The following NRG3 variants were observed in gnomAD, a reference collection of about 807,000 sequenced individuals.
NRG3 encodes neuregulin 3.
NRG3 carries 31 observed loss-of-function variants against 66.9 expected under a neutral mutation model. The ratio of observed to expected loss-of-function variants is 0.46; its 90% CI spans 0.35 to 0.63. NRG3 has a LOEUF of 0.63. NRG3 is among the 20% of genes least tolerant of loss of function. The pLI, the probability that NRG3 is intolerant of heterozygous loss-of-function variation, is 0.00. For synonymous variants in NRG3, 393 were observed against 359.4 expected (o/e 1.09, Z -1.06); for missense variants, 910 against 878.9 (o/e 1.04, Z -0.45).
chr10:82,950,219 A>G (rs1849395234), intron 4 of NRG3, among the ~76,000 whole-genome samples: 1 of 152,214 alleles, frequency 6.6e-6, no homozygotes. Flanking sequence ...GAGAGAATGT[A>G]TATAGATGCA....
chr10:82,344,021 A>G (rs1277344614), intron 1 of NRG3, among the ~76,000 whole-genome samples: 1 of 152,134 alleles, frequency 6.6e-6, no homozygotes, highest in Non-Finnish European at 1.5e-5. Context: ...TTTAATAAAG[A>G]AACACATAAA....
At chr10:82,797,842 T>C (rs1218769673) in intron 3 of NRG3, among the ~76,000 whole-genome samples, 2 of 152,178 alleles carry the variant, frequency 1.3e-5, no homozygotes, top group African/African-American at 4.8e-5. Flanking sequence ...AAGTTGCATA[T>C]TTGACCTGGC....
chr10:82,443,456 TA>T (rs1296448640), intron 2 of NRG3, among the ~76,000 whole-genome samples: 1 of 152,246 alleles, frequency 6.6e-6, no homozygotes, highest in Non-Finnish European at 1.5e-5. Context: ...TTAACTTTTT[TA>T]AGAACACACA....
chr10:82,083,788 T>C (rs974995706), intron 1 of NRG3, among the ~76,000 whole-genome samples: 7 of 151,544 alleles, frequency 4.6e-5, no homozygotes, highest in African/African-American at 1.7e-4. Flanking sequence ...TTTTGTTTTT[T>C]GCATTTTTAA....
At chr10:82,553,110 T>C (rs912689844) in intron 2 of NRG3, among the ~76,000 whole-genome samples, 4 of 152,016 alleles carry the variant, frequency 2.6e-5, no homozygotes, top group African/African-American at 9.7e-5. Context: ...ATAGCAGTGC[T>C]TCATGAATGT....
At chr10:82,862,232 T>C (rs2064167140) in intron 3 of NRG3, among the ~76,000 whole-genome samples, 1 of 152,186 alleles carries the variant, frequency 6.6e-6, no homozygotes, top group African/African-American at 2.4e-5. Context: ...CAGTATGGGC[T>C]TGGGGAAGAG....
intron 1 of NRG3, among the ~76,000 whole-genome samples, chr10:81,901,871 G>T (rs923359910): frequency 6.6e-6 from 1 of 152,224 alleles, no homozygotes; most frequent in East Asian, 1.9e-4. Context: ...TTTATAGAAA[G>T]AACACAAAGG....
chr10:82,011,077 G>A (rs994624233), intron 1 of NRG3, among the ~76,000 whole-genome samples: 1 of 152,134 alleles, frequency 6.6e-6, no homozygotes, highest in African/African-American at 2.4e-5. Flanking sequence ...ATATTGTACT[G>A]CATTGGTCTG....
intron 1 of NRG3, among the ~76,000 whole-genome samples, chr10:82,050,325 T>A (rs903766288): frequency 4.5e-4 from 69 of 151,784 alleles, no homozygotes; most frequent in African/African-American, 1.7e-3. Flanking sequence ...AACCTGCAAT[T>A]ACTTTTGCAC....
intron 1 of NRG3, among the ~76,000 whole-genome samples, chr10:82,132,177 T>C (rs913944217): frequency 3.9e-5 from 6 of 152,084 alleles, no homozygotes; most frequent in Admixed American, 3.9e-4. Flanking sequence ...GGGTCTGTCA[T>C]ATATGACTTT....
chr10:82,052,844 GA>G (rs1160840651), intron 1 of NRG3, among the ~76,000 whole-genome samples: 1 of 151,862 alleles, frequency 6.6e-6, no homozygotes, highest in East Asian at 1.9e-4. Flanking sequence ...TGGACATAAG[GA>G]AAAAAAGTTT....
intron 1 of NRG3, among the ~76,000 whole-genome samples, chr10:81,908,071 T>C (rs1844763062): frequency 6.6e-6 from 1 of 152,212 alleles, no homozygotes; most frequent in Non-Finnish European, 1.5e-5. Context: ...ATCTGCGCTC[T>C]CATAATTCCA....
intron 3 of NRG3, among the ~76,000 whole-genome samples, chr10:82,860,996 C>A (rs1357288662): frequency 6.6e-6 from 1 of 152,146 alleles, no homozygotes; most frequent in Non-Finnish European, 1.5e-5. Context: ...GTGTATGACT[C>A]AAATGACAAA....
At chr10:82,409,390 G>A (rs1218982614) in intron 2 of NRG3, among the ~76,000 whole-genome samples, 1 of 152,122 alleles carries the variant, frequency 6.6e-6, no homozygotes, top group Admixed American at 6.6e-5. Flanking sequence ...TAATAAATTA[G>A]CACTCCATTA....
At chr10:82,442,407 C>G (rs2090477845) in intron 2 of NRG3, among the ~76,000 whole-genome samples, 1 of 152,124 alleles carries the variant, frequency 6.6e-6, no homozygotes, top group Non-Finnish European at 1.5e-5. Context: ...GACGCATTCA[C>G]AGAGAAATGG....
At chr10:82,180,625 C>G (rs1591541) in intron 1 of NRG3, among the ~76,000 whole-genome samples, 115,098 of 151,734 alleles carry the variant, frequency 0.76, 43,842 homozygotes, top group South Asian at 0.85. Context: ...CCTCTTAGTG[C>G]GCTGTTGAAT....
chr10:82,724,008 T>TAAAAAAAAAAA (rs1565242500), intron 2 of NRG3, among the ~76,000 whole-genome samples: 1 of 143,964 alleles, frequency 6.9e-6, no homozygotes, highest in African/African-American at 2.7e-5. Flanking sequence ...AAAAAAAATT[T>TAAAAAAAAAAA]AAAAAATAAA....
At chr10:82,690,825 A>G (rs527687568) in intron 2 of NRG3, among the ~76,000 whole-genome samples, 5 of 152,144 alleles carry the variant, frequency 3.3e-5, no homozygotes, top group Admixed American at 1.3e-4. Flanking sequence ...ATTGGTTTCT[A>G]TTGGTTTCTT....
At chr10:82,259,647 G>T (rs905838623) in intron 1 of NRG3, among the ~76,000 whole-genome samples, 2 of 152,170 alleles carry the variant, frequency 1.3e-5, no homozygotes, top group African/African-American at 4.8e-5. Flanking sequence ...AATGAATTAG[G>T]CTGGGTGTGG....
Sources: allele counts gnomAD v4.1 joint callset (sites outside exome capture counted in the v4.1 genomes callset), GRCh38; gene constraint gnomAD v4.1.1; transcripts MANE v1.5; gene names NCBI Gene and HGNC (gene_info 2026-07-23, HGNC 2026-07-21).